Variants in CDH4 observed in about 807,000 individuals in gnomAD.
CDH4 encodes cadherin-4.
CDH4 carries 33 observed loss-of-function variants against 86.0 expected under a neutral mutation model. That is an observed-to-expected ratio of 0.38 (90% CI 0.29 to 0.51). The LOEUF (loss-of-function observed/expected upper bound fraction) is 0.51, where lower values mean the gene tolerates loss of function less well. Ranked by LOEUF, CDH4 falls within the 20% of genes least tolerant of loss-of-function variation. The pLI is 0.86. For synonymous variants in CDH4, 555 were observed against 549.4 expected (o/e 1.01, Z -0.14); for missense variants, 1,114 against 1,307.4 (o/e 0.85, Z 2.28).
chr20:61,547,587 G>A (rs942416947), intron 2 of CDH4, among the ~76,000 whole-genome samples: 2 of 151,270 alleles, frequency 1.3e-5, no homozygotes, highest in Non-Finnish European at 3.0e-5. Context: ...GGGTGGGGGT[G>A]GGGGTGGGGG....
At chr20:61,652,860 G>A (rs55885339) in intron 2 of CDH4, among the ~76,000 whole-genome samples, 1 of 140,420 alleles carries the variant, frequency 7.1e-6, no homozygotes, top group South Asian at 2.2e-4. Context: ...TTTTTTTTTG[G>A]GGGGGGGATA....
intron 2 of CDH4, among the ~76,000 whole-genome samples, chr20:61,350,685 T>A (rs2084706880): frequency 6.8e-6 from 1 of 146,074 alleles, no homozygotes; most frequent in African/African-American, 2.6e-5. Context: ...CCTCTGACCT[T>A]GCCTCTCCCA....
chr20:61,777,055 CA>C (rs1600976337), intron 4 of CDH4, among the ~76,000 whole-genome samples: 1 of 152,202 alleles, frequency 6.6e-6, no homozygotes, highest in African/African-American at 2.4e-5. Flanking sequence ...TGTAATTCGC[CA>C]ACCAGATCAT....
At chr20:61,747,272 C>T (rs1392180881) in intron 3 of CDH4, among the ~76,000 whole-genome samples, 3 of 152,044 alleles carry the variant, frequency 2.0e-5, no homozygotes, top group African/African-American at 7.2e-5. Flanking sequence ...AACTCTGTCT[C>T]TACTAAAAAT....
chr20:61,907,325 C>T (rs1568880430), intron 8 of CDH4, among the ~76,000 whole-genome samples: 1 of 152,168 alleles, frequency 6.6e-6, no homozygotes, highest in Non-Finnish European at 1.5e-5. Flanking sequence ...GAATGTCCCC[C>T]TGCAGTGGTC....
intron 2 of CDH4, among the ~76,000 whole-genome samples, chr20:61,453,780 T>C (rs2085392514): frequency 6.6e-6 from 1 of 152,202 alleles, no homozygotes; most frequent in Admixed American, 6.5e-5. Context: ...TCATCTTGAA[T>C]TGTAGTTCCC....
intron 2 of CDH4, among the ~76,000 whole-genome samples, chr20:61,266,645 G>A (rs2084159781): frequency 6.6e-6 from 1 of 151,700 alleles, no homozygotes; most frequent in African/African-American, 2.4e-5. Flanking sequence ...TCTGGAGAGG[G>A]ATGAATTGGG....
chr20:61,882,840 T>TC (rs1270378412), intron 7 of CDH4, among the ~76,000 whole-genome samples: 1 of 138,490 alleles, frequency 7.2e-6, no homozygotes, highest in Non-Finnish European at 1.6e-5. Flanking sequence ...CCCCTTCCTA[T>TC]CTTCTGAGAA....
chr20:61,906,871 G>T (rs1321456224), intron 8 of CDH4, among the ~76,000 whole-genome samples: 1 of 152,152 alleles, frequency 6.6e-6, no homozygotes, highest in African/African-American at 2.4e-5. Context: ...TGTGTTCATG[G>T]CATCTCTGGA....
intron 5 of CDH4, among the ~76,000 whole-genome samples, chr20:61,852,215 G>A (rs1458439813): frequency 6.6e-6 from 1 of 152,126 alleles, no homozygotes; most frequent in African/African-American, 2.4e-5. Flanking sequence ...AACTTGTCCA[G>A]GCTGGACTCT....
chr20:61,383,438 TG>T (rs1433631936), intron 2 of CDH4, among the ~76,000 whole-genome samples: 1 of 69,416 alleles, frequency 1.4e-5, no homozygotes, highest in Admixed American at 1.4e-4. Flanking sequence ...ATATCATATA[TG>T]AATATATATT....
At chr20:61,818,648 A>G (rs2146060084) in intron 4 of CDH4, among the ~76,000 whole-genome samples, 1 of 151,610 alleles carries the variant, frequency 6.6e-6, no homozygotes, top group African/African-American at 2.4e-5. Context: ...ACTGCACTCC[A>G]ACCTGAGCAA....
intron 2 of CDH4, among the ~76,000 whole-genome samples, chr20:61,424,884 T>G (rs1210013444): frequency 9.0e-6 from 1 of 110,800 alleles, no homozygotes; most frequent in Non-Finnish European, 2.2e-5. Context: ...GTGCCCCACA[T>G]GCTCTTGAAG....
At chr20:61,899,103 T>G (rs1164636159) in intron 8 of CDH4, among the ~76,000 whole-genome samples, 1 of 152,002 alleles carries the variant, frequency 6.6e-6, no homozygotes, top group Non-Finnish European at 1.5e-5. Flanking sequence ...AAGACCAGCC[T>G]GGCCAAGATG....
chr20:61,923,439 CTGT>C lies in CDH4; in HGVS notation c.1375-7_1375-5del. 1 of 1,613,694 alleles carries C rather than the reference CTGT, an allele frequency of 6.2e-7. No homozygotes were observed. ...GTGCCAGGTCACTCCCAGCCCTGAT[CTGT>C]TGTTCCAGGCAGTCGACTACGAGCT... is the stretch of plus-strand genomic sequence containing the variant. On this transcript the variant is annotated splice_polypyrimidine_tract_variant and intron_variant, in intron 9 of 15. Transcript: ENST00000614565.
intron 2 of CDH4, among the ~76,000 whole-genome samples, chr20:61,705,224 A>C (rs2035297296): frequency 6.6e-6 from 1 of 152,208 alleles, no homozygotes. Flanking sequence ...CACCTGAGCT[A>C]ACTCAAGACC....
At chr20:61,420,353 C>T (rs2085170883) in intron 2 of CDH4, among the ~76,000 whole-genome samples, 1 of 152,150 alleles carries the variant, frequency 6.6e-6, no homozygotes, top group Admixed American at 6.5e-5. Context: ...ATTGATCTTG[C>T]CACTAAAGGC....
At chr20:61,818,942 G>C (rs56403135) in intron 4 of CDH4, among the ~76,000 whole-genome samples, 1 of 152,150 alleles carries the variant, frequency 6.6e-6, no homozygotes, top group Non-Finnish European at 1.5e-5. Context: ...CTTATCCTGC[G>C]TCCCAGCCTG....
chr20:61,407,396 G>A (rs540043750), intron 2 of CDH4, among the ~76,000 whole-genome samples: 2 of 152,262 alleles, frequency 1.3e-5, no homozygotes, highest in Admixed American at 6.5e-5. Flanking sequence ...TGTTGTCACC[G>A]AACCCTGGGG....
Sources: allele counts gnomAD v4.1 joint callset (sites outside exome capture counted in the v4.1 genomes callset), GRCh38; gene constraint gnomAD v4.1.1; transcripts MANE v1.5; gene names NCBI Gene and HGNC (gene_info 2026-07-23, HGNC 2026-07-21).